Variants in RGMA observed in about 807,000 individuals in gnomAD.
RGMA encodes repulsive guidance molecule BMP co-receptor a.
In RGMA, 10 loss-of-function variants were observed where a neutral mutation model predicts 23.2. That is an observed-to-expected ratio of 0.43 (90% CI 0.27 to 0.73). The LOEUF is 0.73. Ranked by LOEUF, RGMA falls within the 30% of genes least tolerant of loss-of-function variation. The pLI, the probability that RGMA is intolerant of heterozygous loss-of-function variation, is 0.20. For synonymous variants in RGMA, 308 were observed against 279.3 expected (o/e 1.10, Z -1.03); for missense variants, 547 against 630.5 (o/e 0.87, Z 1.42).
In RGMA at chr15:93,041,682, T is replaced by C. The variant is rs1471546350; in HGVS notation, c.*3316A>G. The C allele has an allele frequency of 6.6e-6, 1 of 152,190 alleles. No individual in the cohort carries two copies. The highest frequency in any genetic ancestry group is 2.4e-5 in the African/African-American group (1 of 41,428). The allele number at this position is 152,190 out of a possible 1,614,324, so 9.4% of individuals were successfully genotyped here. On this transcript the variant is annotated 3_prime_UTR_variant, in exon 4 of 4. Transcript: ENST00000329082. ...GCCGGACGAGCACCAATGGCTCCGC[T>C]CCTCCTTGCTGCCTCCCTGAGTCGC...
chr15:93,089,028 G>C lies in RGMA; in HGVS notation c.-96C>G. ...CGTCTGCCCCGGGGCAAGGTGGGAGGGGCTCCGCTGGCGCTGGTCCCCGCC... is the reference window on the plus strand; with the variant it reads ...CGTCTGCCCCGGGGCAAGGTGGGAGCGGCTCCGCTGGCGCTGGTCCCCGCC... On this transcript the variant is annotated 5_prime_UTR_variant, in exon 1 of 4. Coordinates refer to ENST00000329082, the MANE Select transcript of RGMA (RefSeq NM_020211.3). 1.4e-6 allele frequency: 1 copy of C among 714,982 alleles called. No homozygotes were observed. Among genetic ancestry groups the C allele is most frequent in the South Asian group, 3.2e-5 (1 of 31,410 alleles). The allele number at this position is 714,982 out of a possible 1,614,324, so 44.3% of individuals were successfully genotyped here.
Position 93,051,993 on chromosome 15 carries a change from C to T in RGMA, c.645G>A (p.Lys215=). 1 of 1,597,488 alleles carries T rather than the reference C, an allele frequency of 6.3e-7. No homozygotes were observed. Among genetic ancestry groups the T allele is most frequent in the South Asian group, 1.1e-5 (1 of 89,042 alleles). ...CCTACAGCCGCCCCCTCCCCCTTAC[C>T]TTGCTGGTGGCAGTGGCCGCTGAGC... ...LPGSAATATS[K]LTIIFKNFQE... The change falls in exon 3 of 4, where the codon AAG becomes AAA. Residue 215 remains lysine (K), a splice_region_variant and synonymous_variant. Transcript: ENST00000329082.
At position 93,044,222 on chromosome 15, in the gene RGMA, G is replaced by A. The variant is rs1468884992; in HGVS notation, c.*776C>T. 4 of 152,320 alleles carry A rather than the reference G, an allele frequency of 2.6e-5. No homozygotes were observed. Among genetic ancestry groups the A allele is most frequent in the African/African-American group, 9.6e-5 (4 of 41,474 alleles). The allele number at this position is 152,320 out of a possible 1,614,324, so 9.4% of individuals were successfully genotyped here. A position where few individuals can be genotyped will look rare whatever the true frequency, so the allele number is the denominator to read the frequency against. On this transcript the variant is annotated 3_prime_UTR_variant, in exon 4 of 4. Transcript: ENST00000329082. ...ATCTGCAGGAGAGAGAGGAACAGAA[G>A]TCAAGGATCTCTTCTCTGTTTAGAC...
At chr15:93,065,698 T>C (rs1268464275) in intron 2 of RGMA, 2 of 1,183,092 alleles carry the variant, frequency 1.7e-6, no homozygotes, top group African/African-American at 3.0e-5. Context: ...GTAGGGGTGG[T>C]TTCGTGGGCC....
chr15:93,077,987 T>C (rs1016544554), intron 1 of RGMA, among the ~76,000 whole-genome samples: 1 of 152,208 alleles, frequency 6.6e-6, no homozygotes, highest in Non-Finnish European at 1.5e-5. Flanking sequence ...GGATTATAGG[T>C]ATGAGCCGCT....
intron 1 of RGMA, chr15:93,073,887 CCA>C: frequency 6.8e-7 from 1 of 1,461,802 alleles, no homozygotes. Context: ...AGCTGCCACT[CCA>C]GAGAGATGGC....
rs2054739046 is a variant in RGMA at position 93,042,633 on chromosome 15, T to TGC, written c.*2363_*2364dup. On this transcript the variant is annotated 3_prime_UTR_variant, in exon 4 of 4. Transcript: ENST00000329082. ...GGCTTCAGGACAATACTAACCTAGG[T>TGC]GCACAGGTTGTCCTTCCCGTTGCTA... The TGC allele has an allele frequency of 6.6e-6, 1 of 152,258 alleles. No individual in the cohort carries two copies. Among genetic ancestry groups the TGC allele is most frequent in the South Asian group, 2.1e-4 (1 of 4,838 alleles). 9.4% of individuals were successfully genotyped at this position (152,258 alleles called of 1,614,324 possible).
chr15:93,069,962 G>A (rs1349851056), intron 2 of RGMA, among the ~76,000 whole-genome samples: 1 of 152,228 alleles, frequency 6.6e-6, no homozygotes, highest in Non-Finnish European at 1.5e-5. Flanking sequence ...GATGCCATTT[G>A]TGGAATGCTC....
rs912332645 is a variant in RGMA at position 93,044,754 on chromosome 15, G to A, written c.*244C>T. The stretch of plus-strand genomic sequence containing the variant: ...CACATTCACACTGCAGGGGCGGGGC[G>A]AGGGGAGCTGCTCTCCCTCTCACAC... On this transcript the variant is annotated 3_prime_UTR_variant, in exon 4 of 4. Transcript: ENST00000329082. 7.1e-6 allele frequency: 4 copies of A among 565,214 alleles called. No homozygotes were observed. In the East Asian group the frequency reaches 8.8e-5, roughly 12 times the overall value. 35.0% of individuals were successfully genotyped at this position (565,214 alleles called of 1,614,324 possible).
chr15:93,050,804 G>A (rs2054905069), intron 3 of RGMA, among the ~76,000 whole-genome samples: 2 of 152,178 alleles, frequency 1.3e-5, no homozygotes, highest in Admixed American at 1.3e-4. Flanking sequence ...TTGGGAACCT[G>A]CAGGATGGGA....
Position 93,045,440 on chromosome 15 carries a change from A to C in RGMA, c.911T>G (p.Val304Gly). 6.2e-7 allele frequency: 1 copy of C among 1,613,164 alleles called. No individual in the cohort carries two copies. Among genetic ancestry groups the C allele is most frequent in the Non-Finnish European group, 8.5e-7 (1 of 1,179,770 alleles). The change falls in exon 4 of 4, where the codon GTG (valine) becomes GGG (glycine). Residue 304 changes from valine (V) to glycine (G), a missense_variant. This residue lies in a region of RGMA where 205 missense variants were observed against 204.1 expected (regional missense o/e 1.00). Coordinates refer to ENST00000329082, the MANE Select transcript of RGMA (RefSeq NM_020211.3). This position sits in a 1 kb window ranked among gnomAD's most constrained non-coding sequence, Gnocchi z 6.9. The stretch of plus-strand genomic sequence containing the variant: ...GAGACCCTGGCTGTCCCAGTCCTCC[A>C]CAGCATTGACCACTTCCTCTGGCAT... ...VRMPEEVVNA[V>G]EDWDSQGLYL...
At chr15:93,064,848 C>A (rs1195904489) in intron 2 of RGMA, among the ~76,000 whole-genome samples, 1 of 152,166 alleles carries the variant, frequency 6.6e-6, no homozygotes, top group Non-Finnish European at 1.5e-5. Flanking sequence ...AGGCAGAGGG[C>A]CTTTGGGAGG....
rs549129020 is a variant in RGMA at position 93,073,143 on chromosome 15, C to T, written c.15-112G>A. The T allele has an allele frequency of 1.4e-4, 178 of 1,239,888 alleles. No individual in the cohort carries two copies. In the African/African-American group the frequency reaches 2.6e-3, roughly 18 times the overall value. The allele number at this position is 1,239,888 out of a possible 1,614,324, so 76.8% of individuals were successfully genotyped here. On this transcript the variant is annotated intron_variant, in intron 1 of 3. Coordinates refer to ENST00000329082, the MANE Select transcript of RGMA (RefSeq NM_020211.3). ...CGGGAGGCTCCGTCCACCTCGGCCG[C>T]GGGCGCCCGGCGCGCTCCCCTTCCC...
intron 2 of RGMA, 44 bp downstream of exon 2, chr15:93,072,872 G>A (rs763485499): frequency 1.3e-6 from 2 of 1,564,784 alleles, no homozygotes; most frequent in African/African-American, 2.7e-5. Flanking sequence ...ATTGAGGGGC[G>A]GCCCAGGGAC....
intron 1 of RGMA, among the ~76,000 whole-genome samples, chr15:93,076,740 G>A (rs1895478555): frequency 6.6e-6 from 1 of 152,144 alleles, no homozygotes; most frequent in Non-Finnish European, 1.5e-5. Context: ...AAGAAACTGA[G>A]GCTGGGAACG....
chr15:93,064,356 G>A (rs1397211950), intron 2 of RGMA, among the ~76,000 whole-genome samples: 1 of 152,252 alleles, frequency 6.6e-6, no homozygotes, highest in Non-Finnish European at 1.5e-5. Flanking sequence ...GAGCACTTTG[G>A]TCCTCCAGCT....
chr15:93,075,117 G>C (rs185817771), intron 1 of RGMA, among the ~76,000 whole-genome samples: 4 of 144,322 alleles, frequency 2.8e-5, no homozygotes, highest in Non-Finnish European at 4.5e-5. Context: ...TTTTCAATGA[G>C]AACAGAAAAA....
intron 2 of RGMA, among the ~76,000 whole-genome samples, chr15:93,071,004 A>G (rs1442486984): frequency 6.6e-6 from 1 of 152,250 alleles, no homozygotes; most frequent in East Asian, 1.9e-4. Context: ...AACTTCTGCC[A>G]GGCCTTCCTT....
intron 3 of RGMA, among the ~76,000 whole-genome samples, chr15:93,046,394 C>G (rs2054824998): frequency 6.6e-6 from 1 of 152,166 alleles, no homozygotes; most frequent in Admixed American, 6.5e-5. Context: ...CCTGCTGATA[C>G]CTTGATTTTA....
Sources: gnomAD v4.1 joint callset for allele counts (sites outside exome capture counted in the v4.1 genomes callset) on GRCh38, gnomAD v4.1.1 for gene constraint, gnomAD v4.1.1 regional missense constraint, Gnocchi (gnomAD v3.1) non-coding constraint, MANE v1.5 for transcripts, NCBI Gene and HGNC (gene_info 2026-07-23, HGNC 2026-07-21) for gene names.